The following MUC3A variants were observed in gnomAD, a reference collection of about 807,000 sequenced individuals.
The protein encoded by MUC3A is mucin-3A.
In MUC3A, 109 loss-of-function variants were observed where a neutral mutation model predicts 109.0. The ratio of observed to expected loss-of-function variants is 1.00; its 90% CI spans 0.86 to 1.17. The LOEUF is 1.17. Ranked by LOEUF, MUC3A falls within the 50% of genes most tolerant of loss-of-function variation. The pLI, the probability that MUC3A is intolerant of heterozygous loss-of-function variation, is 0.00. For synonymous variants in MUC3A, 1,398 were observed against 981.4 expected, an observed-to-expected ratio of 1.42 and a Z score of -7.93; for missense variants, 3,537 against 2,469.4, an observed-to-expected ratio of 1.43 and a Z score of -9.16.
chr7:100,965,891 T>C, intron 8 of MUC3A, 25 bp downstream of exon 8: 2 of 1,573,236 alleles, frequency 1.3e-6, no homozygotes, highest in Non-Finnish European at 1.7e-6. Context: ...ACCATCGGCA[T>C]CAGCCGAGCC....
At chr7:100,950,073 C>T (rs977295828) in intron 1 of MUC3A, among the ~76,000 whole-genome samples, 1 of 152,296 alleles carries the variant, frequency 6.6e-6, no homozygotes, top group Admixed American at 6.5e-5. Flanking sequence ...CTCACGCCCC[C>T]AGCTTGAGTG....
At position 100,953,521 on chromosome 7, in the gene MUC3A, C is replaced by T; in HGVS notation, c.1742C>T (p.Ser581Phe). The change falls in exon 2 of 12, where the codon TCC (serine) becomes TTC (phenylalanine). Residue 581 changes from serine (S) to phenylalanine (F), a missense_variant. Physicochemically the swap from Ser to Phe is radical, Grantham distance 155. Coordinates refer to ENST00000379458, the MANE Select transcript of MUC3A (RefSeq NM_005960.2). ...ACTACCACCACCTCATTCACAACTT[C>T]CACAACTATGGAACCACCTTCAACC... The part of the protein sequence containing the change: ...APTTTTSFTT[S>F]TTMEPPSTTA... The T allele has an allele frequency of 2.2e-6, 1 of 456,266 alleles. No individual in the cohort carries two copies. The highest frequency in any genetic ancestry group is 3.4e-5 in the East Asian group (1 of 29,272). The allele number at this position is 456,266 out of a possible 1,614,324, so 28.3% of individuals were successfully genotyped here. A position where few individuals can be genotyped will look rare whatever the true frequency, so the allele number is the denominator to read the frequency against.
At chr7:100,966,602 G>A in intron 9 of MUC3A, 43 bp downstream of exon 9, 1 of 1,596,038 alleles carries the variant, frequency 6.3e-7, no homozygotes, top group Non-Finnish European at 8.5e-7. Context: ...GGGCAGCCAA[G>A]GGGTCCCAGG....
intron 1 of MUC3A, among the ~76,000 whole-genome samples, chr7:100,950,312 C>G (rs1022655613): frequency 3.3e-5 from 5 of 152,296 alleles, no homozygotes; most frequent in African/African-American, 1.2e-4. Flanking sequence ...GCGTCTGAGA[C>G]TACCCGTCGT....
chr7:100,962,281 G>A lies in MUC3A; in HGVS notation c.9053-870G>A, dbSNP rs561864520. ...AAAAAAAAAAAACTTACCTGGGCAT[G>A]GTGGCTCATGCCTGTGGTCCCAGTT... On this transcript the variant is annotated intron_variant, in intron 3 of 11. Transcript: ENST00000379458. 7.3e-5 allele frequency among the ~76,000 whole-genome samples: 11 copies of A among 151,106 alleles called. 1 individual carries two copies. Among genetic ancestry groups the A allele is most frequent in the Non-Finnish European group, 1.6e-4 (11 of 67,934 alleles).
Position 100,956,217 on chromosome 7 carries a change from A to G in MUC3A, c.4438A>G (p.Thr1480Ala). ...STVTESTTEI[T>A]YPTTMTETSS... Reference sequence around the variant, plus strand: ...TGTCACAGAGTCCACAACTGAAATCACCTATCCCACCACTATGACAGAGAC... The same window carrying G: ...TGTCACAGAGTCCACAACTGAAATCGCCTATCCCACCACTATGACAGAGAC... The change falls in exon 2 of 12, where the codon ACC becomes GCC. Residue 1480 changes from threonine (T) to alanine (A), a missense_variant. Coordinates refer to ENST00000379458, the MANE Select transcript of MUC3A (RefSeq NM_005960.2). 1 of 466,426 alleles carries G rather than the reference A, an allele frequency of 2.1e-6. No homozygotes were observed. The highest frequency in any genetic ancestry group is 3.8e-6 in the Non-Finnish European group (1 of 266,122). The allele number at this position is 466,426 out of a possible 1,614,324, so 28.9% of individuals were successfully genotyped here.
rs1380346111 is a variant in MUC3A, at chr7:100,960,799, C to A, written c.8914C>A (p.Leu2972Ile). ...CTGGGAACAGGGCCAGTGTGCTTGC[C>A]TTCCGGGGTTTTCTGGGGACCGCTG... The part of the protein sequence containing the change: ...GTWEQGQCAC[L>I]PGFSGDRCQL... The change falls in exon 3 of 12, where the codon CTT (leucine) becomes ATT (isoleucine). Residue 2972 changes from leucine (L) to isoleucine (I), a missense_variant. Leu to Ile is a conservative substitution (Grantham distance 5). Transcript: ENST00000379458. 6.3e-7 allele frequency: 1 copy of A among 1,598,522 alleles called. No homozygotes were observed. The highest frequency in any genetic ancestry group is 8.5e-7 in the Non-Finnish European group (1 of 1,179,812).
At chr7:100,964,082 A>G (rs1349064565) in intron 5 of MUC3A, 16 of 494,276 alleles carry the variant, frequency 3.2e-5, no homozygotes, top group Non-Finnish European at 5.8e-5. Flanking sequence ...AGAGAGAAAG[A>G]GAGAGAGGGA....
chr7:100,960,845 A>C lies in MUC3A; in HGVS notation c.8960A>C (p.Gln2987Pro). ...CGCTGTCAGCTCCAGACCAGATGCC[A>C]GAATGGGGGTCAGTGGGATGGCCTC... ...GDRCQLQTRC[Q>P]NGGQWDGLKC... Residue 2987 changes from glutamine to proline, a missense_variant, in exon 3 of 12, where the codon CAG becomes CCG. Gln to Pro is a moderately conservative substitution (Grantham distance 76). Coordinates refer to ENST00000379458, the MANE Select transcript of MUC3A (RefSeq NM_005960.2). 1 of 1,598,530 alleles carries C rather than the reference A, an allele frequency of 6.3e-7. No individual in the cohort carries two copies.
chr7:100,959,198 A>C lies in MUC3A; in HGVS notation c.7419A>C (p.Thr2473=). ...FTTSETAVTP[T]PVTPSSLSTD... is the part of the protein sequence containing the mutation. ...CCTCAGAGACTGCGGTGACTCCCAC[A>C]CCTGTAACCCCATCTTCTCTGAGTA... Residue 2473 remains threonine, a synonymous_variant, in exon 2 of 12, where the codon ACA becomes ACC. Transcript: ENST00000379458. 1 of 1,598,498 alleles carries C rather than the reference A, an allele frequency of 6.3e-7. No homozygotes were observed. The highest frequency in any genetic ancestry group is 2.2e-5 in the East Asian group (1 of 44,884).
rs1403247749 is a variant in MUC3A, at chr7:100,960,790, T to C, written c.8905T>C (p.Cys2969Arg). The C allele has an allele frequency of 6.3e-7, 1 of 1,598,516 alleles. No individual in the cohort carries two copies. The highest frequency in any genetic ancestry group is 8.5e-7 in the Non-Finnish European group (1 of 1,179,808). The change falls in exon 3 of 12, where the codon TGT becomes CGT. Residue 2969 changes from cysteine (C) to arginine (R), a missense_variant. Coordinates refer to ENST00000379458, the MANE Select transcript of MUC3A (RefSeq NM_005960.2). ...TGGTGGCACCTGGGAACAGGGCCAGTGTGCTTGCCTTCCGGGGTTTTCTGG... is the reference window on the plus strand; with the variant it reads ...TGGTGGCACCTGGGAACAGGGCCAGCGTGCTTGCCTTCCGGGGTTTTCTGG... ...DNGGTWEQGQ[C>R]ACLPGFSGDR...
At chr7:100,965,574 G>T in intron 7 of MUC3A, 130 bp from the exon 8 acceptor site, 1 of 1,479,826 alleles carries the variant, frequency 6.8e-7, no homozygotes, top group Non-Finnish European at 9.0e-7. Context: ...TCGAATCCCA[G>T]GGTCTACCCC....
chr7:100,964,814 AG>A lies in MUC3A; in HGVS notation c.9355del (p.Asp3119MetfsTer2), dbSNP rs1192863208. 3.1e-6 allele frequency: 5 copies of A among 1,598,222 alleles called. No individual in the cohort carries two copies. The Admixed American group carries it at 8.3e-5, about 27-fold the overall frequency. ...AAGGAGGGGCTGCAGAACGCCAGCC[AG>A]GATGTGAACAGCTGCCAGGACTCCC... ...TLKEGLQNAS[Q>X]DVNSCQDSQT... On this transcript the variant is annotated frameshift_variant, in exon 6 of 12. Transcript: ENST00000379458. LOFTEE classifies it high-confidence loss of function.
rs756655783 is a variant in MUC3A at position 100,959,673 on chromosome 7, C to T, written c.7894C>T (p.Pro2632Ser). 637 of 1,598,496 alleles carry T rather than the reference C, an allele frequency of 4.0e-4. No individual in the cohort carries two copies. Among genetic ancestry groups the T allele is most frequent in the Non-Finnish European group, 4.9e-4 (583 of 1,179,772 alleles). ...TIVSTSQVPI[P>S]STHSSTLQTT... ...CGTGTCAACATCACAGGTTCCTATT[C>T]CTAGCACACATTCCTCCACCCTTCA... Residue 2632 changes from proline (P) to serine (S), a missense_variant, in exon 2 of 12, where the codon CCT becomes TCT. Pro to Ser is a moderately conservative substitution (Grantham distance 74). Transcript: ENST00000379458.
At chr7:100,966,269 A>AC (rs74203458) in intron 8 of MUC3A, 117 bp from the exon 9 acceptor site, 70,700 of 994,558 alleles carry the variant, frequency 0.071, 2,481 homozygotes, top group East Asian at 0.16. Flanking sequence ...CTAGGGTGGA[A>AC]CCCCCCGCTG....
In MUC3A at chr7:100,957,249, A is replaced by C; in HGVS notation, c.5470A>C (p.Thr1824Pro). 2.0e-6 allele frequency: 1 copy of C among 496,788 alleles called. No individual in the cohort carries two copies. Among genetic ancestry groups the C allele is most frequent in the Non-Finnish European group, 3.5e-6 (1 of 285,118 alleles). The allele number at this position is 496,788 out of a possible 1,614,324, so 30.8% of individuals were successfully genotyped here. ...TNTTPLSTLV[T>P]TFSNSDTSST... is the part of the protein sequence containing the mutation. ...CACCACCCCTCTATCTACATTGGTG[A>C]CCACATTCTCCAATTCCGACACCAG... The change falls in exon 2 of 12, where the codon ACC (threonine) becomes CCC (proline). Residue 1824 changes from threonine (T) to proline (P), a missense_variant. By Grantham distance (38) the Thr-to-Pro change is conservative (BLOSUM62 -1). Transcript: ENST00000379458.
At chr7:100,965,659 T>C in intron 7 of MUC3A, 45 bp from the exon 8 acceptor site, 1 of 1,571,376 alleles carries the variant, frequency 6.4e-7, no homozygotes, top group South Asian at 1.1e-5. Context: ...CTGAATAGAA[T>C]GGATGAGGTC....
intron 4 of MUC3A, 76 bp from the exon 5 acceptor site, chr7:100,963,612 G>A: frequency 6.3e-7 from 1 of 1,594,586 alleles, no homozygotes; most frequent in Admixed American, 1.7e-5. Flanking sequence ...GGTCTTCCCT[G>A]GAGCTGGGGT....
At chr7:100,965,562 CA>C in intron 7 of MUC3A, 141 bp from the exon 8 acceptor site, 4 of 1,450,890 alleles carry the variant, frequency 2.8e-6, no homozygotes, top group Non-Finnish European at 3.7e-6. Flanking sequence ...GGCCTCCCCT[CA>C]TCGAATCCCA....
Sources: allele counts gnomAD v4.1 joint callset (sites outside exome capture counted in the v4.1 genomes callset), GRCh38; gene constraint gnomAD v4.1.1; transcripts MANE v1.5; gene names NCBI Gene and HGNC (gene_info 2026-07-23, HGNC 2026-07-21).